CADM2: variants seen among roughly 807,000 people sequenced by gnomAD.
CADM2 encodes the protein cell adhesion molecule 2, also known as immunoglobulin superfamily member 4D.
A neutral mutation model predicts 49.8 loss-of-function variants in CADM2; 12 were observed. That is an observed-to-expected ratio of 0.24 (90% CI 0.15 to 0.39). CADM2 has a LOEUF of 0.39. Ranked by LOEUF, CADM2 falls within the 10% of genes least tolerant of loss-of-function variation. The probability of loss-of-function intolerance (pLI) is 1.00; values close to 1 mark genes in which losing one functional copy is unlikely to be tolerated. For missense variants in CADM2, 378 were observed against 492.3 expected, an observed-to-expected ratio of 0.77 and a Z score of 2.20; for synonymous variants, 214 against 175.4, an observed-to-expected ratio of 1.22 and a Z score of -1.74.
At chr3:85,919,219 T>C (rs1718778759) in intron 6 of CADM2, among the ~76,000 whole-genome samples, 1 of 152,080 alleles carries the variant, frequency 6.6e-6, no homozygotes, top group Non-Finnish European at 1.5e-5. Flanking sequence ...TTAATGTTTG[T>C]TTAGTACTTC....
intron 1 of CADM2, among the ~76,000 whole-genome samples, chr3:85,625,410 C>T (rs530371695): frequency 1.3e-5 from 2 of 152,130 alleles, no homozygotes; most frequent in East Asian, 3.9e-4. Flanking sequence ...TAAACCAAAT[C>T]TGTAAGGATG....
intron 1 of CADM2, among the ~76,000 whole-genome samples, chr3:85,313,522 T>C (rs1304716722): frequency 2.0e-5 from 3 of 152,174 alleles, no homozygotes; most frequent in Non-Finnish European, 4.4e-5. Flanking sequence ...TCACTTCTTT[T>C]GGCCAAATGT....
In CADM2 at chr3:85,646,419, A is replaced by G. The variant is rs540030817; in HGVS notation, c.62-80103A>G. ...ATTAGGAGCACAAAAACTGACTTCA[A>G]GTTTCTGACAGGGTGATTTTCTCTA... On this transcript the variant is annotated intron_variant, in intron 1 of 9. Coordinates refer to ENST00000383699, the MANE Select transcript of CADM2 (RefSeq NM_001167675.2). 2.0e-5 allele frequency among the ~76,000 whole-genome samples: 3 copies of G among 152,100 alleles called. No individual in the cohort carries two copies. The South Asian group carries it at 6.2e-4, about 31-fold the overall frequency.
chr3:86,053,336 G>GC (rs1319779062), intron 8 of CADM2, among the ~76,000 whole-genome samples: 1 of 152,098 alleles, frequency 6.6e-6, no homozygotes, highest in African/African-American at 2.4e-5. Context: ...GGGTCTAAAT[G>GC]CATTTTTTGC....
At chr3:85,153,000 T>C (rs2039979828) in intron 1 of CADM2, among the ~76,000 whole-genome samples, 1 of 151,418 alleles carries the variant, frequency 6.6e-6, no homozygotes, top group Non-Finnish European at 1.5e-5. Context: ...AATCTTTCAA[T>C]TGGCAATATG....
chr3:85,644,003 A>C (rs1414319188), intron 1 of CADM2, among the ~76,000 whole-genome samples: 1 of 152,092 alleles, frequency 6.6e-6, no homozygotes, highest in Non-Finnish European at 1.5e-5. Context: ...TCATGCATTT[A>C]ACTATTGGAT....
chr3:85,897,358 T>C (rs112899895), intron 5 of CADM2, among the ~76,000 whole-genome samples: 46,379 of 142,098 alleles, frequency 0.33, 8,508 homozygotes, highest in East Asian at 0.44. Context: ...CAAGCTCCGC[T>C]TCCCGGGTTC....
intron 8 of CADM2, among the ~76,000 whole-genome samples, chr3:86,015,949 A>G (rs1343974264): frequency 6.6e-6 from 1 of 152,170 alleles, no homozygotes; most frequent in African/African-American, 2.4e-5. Context: ...CTAGAAAACT[A>G]TGGAAAACAT....
chr3:85,903,812 C>G (rs1559732515), intron 5 of CADM2, among the ~76,000 whole-genome samples: 1 of 152,142 alleles, frequency 6.6e-6, no homozygotes, highest in Non-Finnish European at 1.5e-5. Context: ...TATTTGTCAG[C>G]TGGTTGCCCT....
chr3:85,841,379 A>G (rs931173534), intron 3 of CADM2, among the ~76,000 whole-genome samples: 3 of 151,672 alleles, frequency 2.0e-5, no homozygotes, highest in Non-Finnish European at 1.5e-5. Context: ...AAAAAGATGA[A>G]CCCTATATTT....
intron 8 of CADM2, among the ~76,000 whole-genome samples, chr3:85,973,384 C>A (rs1013730706): frequency 2.0e-5 from 3 of 151,656 alleles, no homozygotes; most frequent in Non-Finnish European, 4.4e-5. Context: ...TCTTTTAAAA[C>A]AGACAAACAA....
intron 6 of CADM2, among the ~76,000 whole-genome samples, chr3:85,915,152 A>G (rs1457176952): frequency 6.6e-6 from 1 of 152,182 alleles, no homozygotes; most frequent in Non-Finnish European, 1.5e-5. Context: ...GAAGTATTAT[A>G]CAATTCTTGA....
intron 1 of CADM2, among the ~76,000 whole-genome samples, chr3:85,724,776 G>T (rs1271130330): frequency 6.6e-6 from 1 of 151,822 alleles, no homozygotes; most frequent in Non-Finnish European, 1.5e-5. Context: ...TGGAAAGGAA[G>T]AGGGGATATT....
chr3:85,449,250 G>T (rs2037637042), intron 1 of CADM2, among the ~76,000 whole-genome samples: 1 of 151,358 alleles, frequency 6.6e-6, no homozygotes, highest in Non-Finnish European at 1.5e-5. Context: ...AAGCATTATA[G>T]AATTTCATGG....
intron 1 of CADM2, among the ~76,000 whole-genome samples, chr3:85,653,647 G>T (rs759345402): frequency 1.3e-5 from 2 of 151,840 alleles, no homozygotes; most frequent in Admixed American, 1.3e-4. Context: ...TATATAAGTC[G>T]GGAGTTCAGG....
chr3:85,429,291 C>A (rs1021245105), intron 1 of CADM2, among the ~76,000 whole-genome samples: 8 of 151,950 alleles, frequency 5.3e-5, no homozygotes, highest in African/African-American at 1.9e-4. Flanking sequence ...TGCAACAATA[C>A]AACATATGTT....
intron 1 of CADM2, among the ~76,000 whole-genome samples, chr3:85,314,628 G>C (rs1185343366): frequency 1.3e-5 from 2 of 151,984 alleles, no homozygotes; most frequent in Admixed American, 1.3e-4. Context: ...TATTAATTCT[G>C]TTTCTTTAAT....
At chr3:85,008,276 T>G (rs1559614031) in intron 1 of CADM2, among the ~76,000 whole-genome samples, 1 of 152,186 alleles carries the variant, frequency 6.6e-6, no homozygotes, top group African/African-American at 2.4e-5. Flanking sequence ...GTTTTATAAA[T>G]TTTGCTTTTG....
At chr3:85,635,505 GAAGT>G (rs943803371) in intron 1 of CADM2, among the ~76,000 whole-genome samples, 2 of 152,048 alleles carry the variant, frequency 1.3e-5, no homozygotes, top group Admixed American at 1.3e-4. Context: ...AATTTTTAAG[GAAGT>G]GTTTTCTTTA....
Sources: gnomAD v4.1 joint callset for allele counts (sites outside exome capture counted in the v4.1 genomes callset) on GRCh38, gnomAD v4.1.1 for gene constraint, MANE v1.5 for transcripts, NCBI Gene and HGNC (gene_info 2026-07-23, HGNC 2026-07-21) for gene names.